Variants in JADE2 observed in about 807,000 individuals in gnomAD.
JADE2 encodes jade family PHD finger 2.
In JADE2, 13 loss-of-function variants were observed where a neutral mutation model predicts 85.7. That is an observed-to-expected ratio of 0.15 (90% confidence interval 0.10 to 0.24). JADE2 has a LOEUF of 0.24. JADE2 is among the 10% of genes least tolerant of loss of function. The probability of loss-of-function intolerance (pLI) is 1.00; values close to 1 mark genes in which losing one functional copy is unlikely to be tolerated. For synonymous variants in JADE2, 440 were observed against 456.1 expected (o/e 0.96, Z 0.45); for missense variants, 846 against 1,115.9 (o/e 0.76, Z 3.45).
chr5:134,526,896 C>A, intron 1 of JADE2: 2 of 459,936 alleles, frequency 4.3e-6, no homozygotes, highest in Non-Finnish European at 5.7e-6. Context: ...GCGGCCGGAG[C>A]GGCGGGTGCG....
chr5:134,545,737 CTT>C (rs995323771), intron 3 of JADE2, among the ~76,000 whole-genome samples: 1 of 152,192 alleles, frequency 6.6e-6, no homozygotes, highest in African/African-American at 2.4e-5. Context: ...ATATGTAAAA[CTT>C]TAACATAATA....
chr5:134,571,440 T>A (rs976683301), intron 9 of JADE2, among the ~76,000 whole-genome samples: 1 of 152,194 alleles, frequency 6.6e-6, no homozygotes, highest in Non-Finnish European at 1.5e-5. Context: ...GGCTCACGCC[T>A]GTAATCCCAG....
Position 134,552,188 on chromosome 5 carries a change from C to G in JADE2, c.290C>G (p.Ala97Gly), listed in dbSNP as rs766178008. ...GTGCAGGTGCCTGCCGGGGCAGAGG[C>G]CATCCCAGAGCCCGTGGTGAGGTGA... ...KGVQVPAGAE[A>G]IPEPVVRILP... The change falls in exon 4 of 12, where the codon GCC becomes GGC. Residue 97 changes from alanine (A) to glycine (G), a missense_variant. Physicochemically the swap from Ala to Gly is moderately conservative, Grantham distance 60. Coordinates refer to ENST00000681547, the MANE Select transcript of JADE2 (RefSeq NM_001388185.1). 6.2e-7 allele frequency: 1 copy of G among 1,614,110 alleles called. No individual in the cohort carries two copies. Among genetic ancestry groups the G allele is most frequent in the East Asian group, 2.2e-5 (1 of 44,874 alleles).
At chr5:134,539,320 C>T (rs942338882) in intron 3 of JADE2, among the ~76,000 whole-genome samples, 6 of 152,302 alleles carry the variant, frequency 3.9e-5, no homozygotes, top group East Asian at 3.9e-4. Flanking sequence ...GCCTTGGCCT[C>T]CCAAAGTGCT....
chr5:134,538,178 C>A, intron 3 of JADE2, 95 bp downstream of exon 3: 2 of 995,660 alleles, frequency 2.0e-6, no homozygotes, highest in Non-Finnish European at 3.1e-6. Context: ...AGGGCACGGG[C>A]AGTGCAGAGG....
chr5:134,577,068 C>A, intron 11 of JADE2, 172 bp downstream of exon 11: 1 of 689,064 alleles, frequency 1.5e-6, no homozygotes. Flanking sequence ...ACAAAGGAGA[C>A]AGATCTCAGA....
intron 1 of JADE2, among the ~76,000 whole-genome samples, chr5:134,528,266 C>T (rs944580525): frequency 6.6e-6 from 1 of 152,150 alleles, no homozygotes; most frequent in Admixed American, 6.5e-5. Flanking sequence ...CAAAAGGGCT[C>T]GGCATGGAGC....
rs1764560545 is a variant in JADE2 at position 134,579,002 on chromosome 5, A to G, written c.2190A>G (p.Ser730=). ...LAPETPDEAA[S]VAADSDVQVP... The stretch of plus-strand genomic sequence containing the variant: ...CTGAGACCCCGGACGAGGCAGCCTC[A>G]GTAGCTGCTGACTCAGATGTCCAAG... The change falls in exon 12 of 12, where the codon TCA becomes TCG. Residue 730 remains serine (S), a synonymous_variant. Transcript: ENST00000681547. The surrounding 1 kb of genome is among the most constrained non-coding windows in gnomAD (Gnocchi z 4.6). 1.2e-6 allele frequency: 2 copies of G among 1,613,834 alleles called. No individual in the cohort carries two copies. Among genetic ancestry groups the G allele is most frequent in the Non-Finnish European group, 1.7e-6 (2 of 1,180,018 alleles).
rs781673884 is a variant in JADE2, at chr5:134,578,668, C to G, written c.1856C>G (p.Thr619Arg). The G allele has an allele frequency of 9.3e-6, 15 of 1,613,954 alleles. No homozygotes were observed. The highest frequency in any genetic ancestry group is 1.6e-4 in the Middle Eastern group (1 of 6,084). Residue 619 changes from threonine to arginine, a missense_variant, in exon 12 of 12, where the codon ACA (threonine) becomes AGA (arginine). Physicochemically the swap from Thr to Arg is moderately conservative, Grantham distance 71 (BLOSUM62 -1). Around this residue, in one of 9 missense-constraint regions of JADE2, gnomAD observed 119 missense variants for 163.9 expected, o/e 0.73. Transcript: ENST00000681547. This position sits in a 1 kb window ranked among gnomAD's most constrained non-coding sequence, Gnocchi z 4.4. ...GAGGAACTGCTGCAGGACGAGGAGA[C>G]ACTGCTCAGCTTCATGCGGGACCCC... is the stretch of plus-strand genomic sequence containing the variant. ...LSEELLQDEE[T>R]LLSFMRDPSL...
intron 8 of JADE2, among the ~76,000 whole-genome samples, chr5:134,564,904 A>G (rs1763544613): frequency 6.6e-6 from 1 of 152,206 alleles, no homozygotes; most frequent in Non-Finnish European, 1.5e-5. Context: ...TGATGAATAC[A>G]TTAGCCTCAC....
intron 4 of JADE2, among the ~76,000 whole-genome samples, chr5:134,557,228 A>T (rs1048762282): frequency 5.9e-4 from 81 of 138,228 alleles, no homozygotes; most frequent in African/African-American, 1.5e-3. Context: ...GATGATTATT[A>T]TTTTTTTTGT....
chr5:134,547,483 A>G (rs925796676), intron 3 of JADE2, among the ~76,000 whole-genome samples: 5 of 152,172 alleles, frequency 3.3e-5, no homozygotes, highest in Admixed American at 3.3e-4. Flanking sequence ...CCAGCTTCCA[A>G]CTTTCTTGCC....
At chr5:134,564,962 A>G (rs73293784) in intron 8 of JADE2, among the ~76,000 whole-genome samples, 2,725 of 152,280 alleles carry the variant, frequency 0.018, 68 homozygotes, top group African/African-American at 0.062. Flanking sequence ...CAAACTTCTC[A>G]TCTAGCTAAG....
intron 3 of JADE2, among the ~76,000 whole-genome samples, chr5:134,546,436 C>A (rs1209873472): frequency 1.3e-5 from 2 of 152,142 alleles, no homozygotes; most frequent in African/African-American, 2.4e-5. Flanking sequence ...TGTCTTCTTG[C>A]AGCTTGACTA....
At chr5:134,576,361 G>A (rs1764365516) in intron 10 of JADE2, among the ~76,000 whole-genome samples, 2 of 152,128 alleles carry the variant, frequency 1.3e-5, no homozygotes, top group Non-Finnish European at 2.9e-5. Flanking sequence ...CCTGGGGTTA[G>A]GAATGGAACC....
At chr5:134,541,279 C>G (rs147973792) in intron 3 of JADE2, among the ~76,000 whole-genome samples, 1 of 152,214 alleles carries the variant, frequency 6.6e-6, no homozygotes, top group Non-Finnish European at 1.5e-5. Flanking sequence ...GAGCCGTGGC[C>G]GGCATAAATT....
intron 3 of JADE2, among the ~76,000 whole-genome samples, chr5:134,539,773 C>T (rs1262952965): frequency 6.6e-6 from 1 of 152,226 alleles, no homozygotes; most frequent in East Asian, 1.9e-4. Context: ...TATGCTACCT[C>T]ACCACAGATG....
intron 3 of JADE2, among the ~76,000 whole-genome samples, chr5:134,545,018 A>G (rs529373903): frequency 6.6e-6 from 1 of 152,352 alleles, no homozygotes; most frequent in East Asian, 1.9e-4. Flanking sequence ...TTATAGTAGA[A>G]CAATGAAGGC....
chr5:134,565,283 C>T (rs760800109), intron 8 of JADE2, among the ~76,000 whole-genome samples: 9 of 152,310 alleles, frequency 5.9e-5, no homozygotes, highest in East Asian at 1.9e-4. Context: ...CACCCATCCA[C>T]GGACCTTCAA....
Sources: gnomAD v4.1 joint callset for allele counts (sites outside exome capture counted in the v4.1 genomes callset) on GRCh38, gnomAD v4.1.1 for gene constraint, gnomAD v4.1.1 regional missense constraint, Gnocchi (gnomAD v3.1) non-coding constraint, MANE v1.5 for transcripts, NCBI Gene and HGNC (gene_info 2026-07-23, HGNC 2026-07-21) for gene names.